The following GCNT4 variants were observed in gnomAD, a reference collection of about 807,000 sequenced individuals.
GCNT4 encodes the protein beta-1,3-galactosyl-O-glycosyl-glycoprotein beta-1,6-N-acetylglucosaminyltransferase 4.
A neutral mutation model predicts 31.3 loss-of-function variants in GCNT4; 17 were observed. The ratio of observed to expected loss-of-function variants is 0.54; its 90% CI spans 0.37 to 0.81. The LOEUF is 0.81. Ranked by LOEUF, GCNT4 falls within the 40% of genes least tolerant of loss-of-function variation. The pLI, the probability that GCNT4 is intolerant of heterozygous loss-of-function variation, is 0.00. For missense variants in GCNT4, 503 were observed against 525.5 expected (o/e 0.96, Z 0.42); for synonymous variants, 158 against 190.6 (o/e 0.83, Z 1.41).
intron 3 of GCNT4, among the ~76,000 whole-genome samples, chr5:75,031,880 T>C (rs1743071260): frequency 6.6e-6 from 1 of 152,194 alleles, no homozygotes; most frequent in Non-Finnish European, 1.5e-5. Context: ...GCTCAGATAC[T>C]GAGACCTGGT....
At chr5:75,035,087 C>T (rs998225856) in intron 3 of GCNT4, among the ~76,000 whole-genome samples, 4 of 140,070 alleles carry the variant, frequency 2.9e-5, no homozygotes, top group Non-Finnish European at 4.6e-5. Context: ...CCCAGCTAAG[C>T]GGACACGACC....
downstream of GCNT4, chr5:75,023,959 G>A (rs958480330): frequency 6.6e-6 from 1 of 152,210 alleles, no homozygotes; most frequent in African/African-American, 2.4e-5. Context: ...AAGGCCCGAT[G>A]AAGAGTCTTC....
At chr5:75,046,410 C>T (rs1332374652) in intron 3 of GCNT4, among the ~76,000 whole-genome samples, 1 of 152,174 alleles carries the variant, frequency 6.6e-6, no homozygotes, top group African/African-American at 2.4e-5. Context: ...GGAGCCTTGG[C>T]AACCACAGGA....
In GCNT4 at chr5:75,028,746, T is replaced by A. The variant is rs755451923; in HGVS notation, c.1292A>T (p.Gln431Leu). 1.2e-6 allele frequency: 2 copies of A among 1,614,054 alleles called. No individual in the cohort carries two copies. The highest frequency in any genetic ancestry group is 1.7e-6 in the Non-Finnish European group (2 of 1,179,964). ...IKCLAEKLEE[Q>L]QRDWITLPSE... ...GGGCAAAGTGATCCAGTCTCTCTGCTGTTCTTCAAGCTTTTCTGCCAAGCA... is the reference window on the plus strand; with the variant it reads ...GGGCAAAGTGATCCAGTCTCTCTGCAGTTCTTCAAGCTTTTCTGCCAAGCA... The change falls in exon 4 of 4, where the codon CAG becomes CTG. Residue 431 changes from glutamine (Q) to leucine (L), a missense_variant. Transcript: ENST00000652361.
chr5:75,043,794 T>G (rs1178897913), intron 3 of GCNT4, among the ~76,000 whole-genome samples: 1 of 152,210 alleles, frequency 6.6e-6, no homozygotes, highest in Non-Finnish European at 1.5e-5. Context: ...TTAACCAACA[T>G]ATACATACGC....
At chr5:75,030,475 G>A (rs1743037517) in intron 3 of GCNT4, 1 of 173,186 alleles carries the variant, frequency 5.8e-6, no homozygotes, top group Non-Finnish European at 1.4e-5. Context: ...TCTACCTCCA[G>A]ATCCCTATTA....
In GCNT4 at chr5:75,027,688, T is replaced by C. The variant is rs781543181; in HGVS notation, c.*988A>G. On this transcript the variant is annotated 3_prime_UTR_variant, in exon 4 of 4. Coordinates refer to ENST00000652361, the MANE Select transcript of GCNT4 (RefSeq NM_001366737.1). ...CAAATTAATTTAGAAAGCTGTCATA[T>C]TTCACACAACCTTTTGAAGAAAGTT... 1 of 152,430 alleles carries C rather than the reference T, an allele frequency of 6.6e-6. No individual in the cohort carries two copies. The highest frequency in any genetic ancestry group is 1.5e-5 in the Non-Finnish European group (1 of 67,990). 9.4% of individuals were successfully genotyped at this position (152,430 alleles called of 1,614,324 possible).
intron 3 of GCNT4, among the ~76,000 whole-genome samples, chr5:75,039,902 A>G (rs1394868083): frequency 6.6e-6 from 1 of 152,188 alleles, no homozygotes; most frequent in Non-Finnish European, 1.5e-5. Context: ...TTGGGATTTC[A>G]TGTCATGTAG....
chr5:75,048,463 G>A (rs537430472), intron 2 of GCNT4, among the ~76,000 whole-genome samples: 1 of 152,266 alleles, frequency 6.6e-6, no homozygotes, highest in African/African-American at 2.4e-5. Flanking sequence ...CATCTCTAGA[G>A]GACAGTTCAG....
In GCNT4 at chr5:75,029,785, C is replaced by T; in HGVS notation, c.253G>A (p.Gly85Arg). The T allele has an allele frequency of 1.9e-6, 3 of 1,614,138 alleles. No individual in the cohort carries two copies. Among genetic ancestry groups the T allele is most frequent in the Non-Finnish European group, 2.5e-6 (3 of 1,180,022 alleles). The change falls in exon 4 of 4, where the codon GGA becomes AGA. Residue 85 changes from glycine (G) to arginine (R), a missense_variant. Coordinates refer to ENST00000652361, the MANE Select transcript of GCNT4 (RefSeq NM_001366737.1). ...GIYEQEPLEI[G>R]KSLEIRRRDI... ...CTTCTTCTTATTTCCAGACTCTTTC[C>T]AATTTCCAAAGGCTCCTGTTCATAG...
downstream of GCNT4, among the ~76,000 whole-genome samples, chr5:75,024,172 C>A (rs1742914344): frequency 6.6e-6 from 1 of 151,958 alleles, no homozygotes. Context: ...TTTGTAGGTG[C>A]CAATGGGAAC....
At chr5:75,039,354 A>G (rs956129005) in intron 3 of GCNT4, among the ~76,000 whole-genome samples, 5 of 152,172 alleles carry the variant, frequency 3.3e-5, no homozygotes, top group African/African-American at 9.7e-5. Context: ...TCGGCCTCCC[A>G]AAGTGTTGGG....
chr5:75,042,657 A>G (rs1191723808), intron 3 of GCNT4, among the ~76,000 whole-genome samples: 1 of 152,218 alleles, frequency 6.6e-6, no homozygotes, highest in Non-Finnish European at 1.5e-5. Flanking sequence ...GTTTAAAATC[A>G]TCACCCTGAA....
the GCNT4 span, among the ~76,000 whole-genome samples, chr5:75,019,122 T>C: frequency 9.0e-4 from 137 of 152,334 alleles, no homozygotes; most frequent in African/African-American, 3.1e-3. Context: ...TAAGAGGAGA[T>C]AGAGCCTTTG....
In GCNT4 at chr5:75,029,890, G is replaced by C; in HGVS notation, c.148C>G (p.Leu50Val). The stretch of plus-strand genomic sequence containing the variant: ...TTTCTTACAAAAGGCGAGGTACTTA[G>C]GGAGTACTCAACCAAGTAAATGTCT... ...QKDIYLVEYS[L>V]STSPFVRNRY... is the part of the protein sequence containing the mutation. Residue 50 changes from leucine to valine, a missense_variant, in exon 4 of 4, where the codon CTA becomes GTA. Transcript: ENST00000652361. The C allele has an allele frequency of 6.2e-7, 1 of 1,614,128 alleles. No homozygotes were observed. The highest frequency in any genetic ancestry group is 8.5e-7 in the Non-Finnish European group (1 of 1,180,022).
rs1322022937 is a variant in GCNT4 at position 75,041,270 on chromosome 5, GCCAGTCCTC to G, written c.-2+6618_-2+6626del. ...AAACACACCCTCACCCAGGGCCTTTGCCAGTCCTCTGTCATTCAGATCACACATCAGTGA... is the reference window on the plus strand; with the variant it reads ...AAACACACCCTCACCCAGGGCCTTTGTGTCATTCAGATCACACATCAGTGA... On this transcript the variant is annotated intron_variant, in intron 3 of 3. Transcript: ENST00000652361. Among the ~76,000 whole-genome samples, 740 of 152,282 alleles carry G rather than the reference GCCAGTCCTC, an allele frequency of 4.9e-3. 6 individuals carry two copies. The highest frequency in any genetic ancestry group is 0.019 in the Admixed American group (293 of 15,292).
At chr5:75,024,733 C>T (rs1274359524), downstream of GCNT4, among the ~76,000 whole-genome samples, 3 of 151,882 alleles carry the variant, frequency 2.0e-5, no homozygotes, top group Non-Finnish European at 4.4e-5. Context: ...GGGAGGATCA[C>T]GAGGTCAGGA....
At chr5:75,044,832 C>G (rs1336724098) in intron 3 of GCNT4, among the ~76,000 whole-genome samples, 1 of 152,036 alleles carries the variant, frequency 6.6e-6, no homozygotes, top group Non-Finnish European at 1.5e-5. Context: ...AATTTTTCTT[C>G]AGGTTTGACA....
In GCNT4 at chr5:75,027,974, C is replaced by T. The variant is rs115228438; in HGVS notation, c.*702G>A. On this transcript the variant is annotated 3_prime_UTR_variant, in exon 4 of 4. Coordinates refer to ENST00000652361, the MANE Select transcript of GCNT4 (RefSeq NM_001366737.1). ...GATAAAAATGTTGTATAAATCCCTT[C>T]GCTCCTCTTTAGGTACTACCTGTCC... is the stretch of plus-strand genomic sequence containing the variant. 0.018 allele frequency: 2,762 copies of T among 152,448 alleles called. 45 individuals are homozygous for T. The highest frequency in any genetic ancestry group is 0.028 in the Non-Finnish European group (1,916 of 68,002). The allele number at this position is 152,448 out of a possible 1,614,324, so 9.4% of individuals were successfully genotyped here. A position where few individuals can be genotyped will look rare whatever the true frequency, so the allele number is the denominator to read the frequency against.
Sources: gnomAD v4.1 joint callset for allele counts (sites outside exome capture counted in the v4.1 genomes callset) on GRCh38, gnomAD v4.1.1 for gene constraint, MANE v1.5 for transcripts, NCBI Gene and HGNC (gene_info 2026-07-23, HGNC 2026-07-21) for gene names.